The following LSAMP variants were observed in gnomAD, a reference collection of about 807,000 sequenced individuals.
The protein encoded by LSAMP is limbic system-associated membrane protein.
A neutral mutation model predicts 38.6 loss-of-function variants in LSAMP; 7 were observed. The ratio of observed to expected loss-of-function variants is 0.18; its 90% CI spans 0.10 to 0.34. The LOEUF is 0.34. Among genes scored for constraint, LSAMP ranks in the 10% least tolerant of loss-of-function variants. LSAMP has a pLI of 1.00. For missense variants in LSAMP, 313 were observed against 420.0 expected (o/e 0.75, Z 2.23); for synonymous variants, 154 against 166.8 (o/e 0.92, Z 0.59).
At chr3:116,224,806 G>C (rs184348469) in intron 1 of LSAMP, among the ~76,000 whole-genome samples, 1 of 152,300 alleles carries the variant, frequency 6.6e-6, no homozygotes, top group East Asian at 1.9e-4. Flanking sequence ...ATGTTACTCT[G>C]TGATAGTGCT....
chr3:116,223,339 C>T lies in LSAMP; in HGVS notation c.156-136783G>A, dbSNP rs376033325. The stretch of plus-strand genomic sequence containing the variant: ...TTCCTTATCAAATATTTATTGAGCA[C>T]TTACACTATACCAGGAACTGTTTTA... On this transcript the variant is annotated intron_variant, in intron 1 of 6. Coordinates refer to ENST00000490035, the MANE Select transcript of LSAMP (RefSeq NM_002338.5). Among the ~76,000 whole-genome samples the T allele has an allele frequency of 7.2e-5, 11 of 152,248 alleles. No homozygotes were observed. The East Asian group carries it at 1.9e-3, about 27-fold the overall frequency.
intron 1 of LSAMP, among the ~76,000 whole-genome samples, chr3:116,301,079 A>AAAAT (rs1349682703): frequency 6.6e-6 from 1 of 151,658 alleles, no homozygotes; most frequent in Non-Finnish European, 1.5e-5. Flanking sequence ...TTTGGGAATT[A>AAAAT]AAATAACATC....
chr3:116,422,504 G>A (rs1005890294), intron 1 of LSAMP, among the ~76,000 whole-genome samples: 8 of 152,228 alleles, frequency 5.3e-5, no homozygotes, highest in Non-Finnish European at 8.8e-5. Context: ...ATCAAAGGAC[G>A]TTCTGGAACC....
At chr3:115,955,271 C>G (rs1347060489) in intron 3 of LSAMP, among the ~76,000 whole-genome samples, 1 of 152,120 alleles carries the variant, frequency 6.6e-6, no homozygotes, top group Non-Finnish European at 1.5e-5. Flanking sequence ...GTTGGTAAAC[C>G]TAAACCTCAT....
chr3:116,104,940 G>T (rs1217314673), intron 1 of LSAMP, among the ~76,000 whole-genome samples: 1 of 152,140 alleles, frequency 6.6e-6, no homozygotes, highest in Non-Finnish European at 1.5e-5. Context: ...AAAACATACA[G>T]CCATGGCAGG....
At chr3:115,827,894 A>T (rs925946843) in intron 6 of LSAMP, among the ~76,000 whole-genome samples, 2 of 152,282 alleles carry the variant, frequency 1.3e-5, no homozygotes, top group Non-Finnish European at 2.9e-5. Flanking sequence ...GTAAGGTGGG[A>T]TCTCTCATAC....
intron 1 of LSAMP, among the ~76,000 whole-genome samples, chr3:116,272,309 C>A (rs1486387045): frequency 6.6e-6 from 1 of 152,084 alleles, no homozygotes; most frequent in Non-Finnish European, 1.5e-5. Context: ...GCAAAAATAA[C>A]AATGGACAAC....
At chr3:115,951,840 A>G (rs1938300484) in intron 3 of LSAMP, among the ~76,000 whole-genome samples, 1 of 149,966 alleles carries the variant, frequency 6.7e-6, no homozygotes, top group South Asian at 2.1e-4. Context: ...ACTCCTTAAT[A>G]AAGTCATATA....
At chr3:116,141,005 C>T (rs1371439494) in intron 1 of LSAMP, among the ~76,000 whole-genome samples, 2 of 151,786 alleles carry the variant, frequency 1.3e-5, no homozygotes, top group Non-Finnish European at 2.9e-5. Flanking sequence ...AAATAATACC[C>T]ACCAGAGCTA....
At chr3:116,271,155 CA>C (rs536093799) in intron 1 of LSAMP, among the ~76,000 whole-genome samples, 24 of 152,006 alleles carry the variant, frequency 1.6e-4, no homozygotes, top group Non-Finnish European at 2.2e-4. Context: ...CAATAAAAAA[CA>C]GAATTCAGCT....
intron 3 of LSAMP, among the ~76,000 whole-genome samples, chr3:115,880,529 C>A (rs1372750094): frequency 6.6e-6 from 1 of 151,912 alleles, no homozygotes; most frequent in Non-Finnish European, 1.5e-5. Flanking sequence ...CTTTAATATC[C>A]CAGGGTCTCT....
chr3:115,885,065 A>C (rs1264003626), intron 3 of LSAMP, among the ~76,000 whole-genome samples: 2 of 152,094 alleles, frequency 1.3e-5, no homozygotes, highest in East Asian at 3.9e-4. Flanking sequence ...AAAAACATTT[A>C]GGGAACTTAC....
rs149748301 is a variant in LSAMP, at chr3:116,116,018, AT to A, written c.156-29463del. 2.6e-3 allele frequency among the ~76,000 whole-genome samples: 343 copies of A among 130,522 alleles called. 3 individuals carry two copies. Among genetic ancestry groups the A allele is most frequent in the South Asian group, 0.015 (59 of 3,976 alleles). The allele number at this position is 130,522 out of a possible 152,430, so 85.6% of individuals were successfully genotyped here. On this transcript the variant is annotated intron_variant, in intron 1 of 6. Transcript: ENST00000490035. ...ACTATTACATTGTTAATTTCCTCTCATTTTTTTTTTCTTTTTTTTTCTTCTG... is the reference window on the plus strand; with the variant it reads ...ACTATTACATTGTTAATTTCCTCTCATTTTTTTTTCTTTTTTTTTCTTCTG...
intron 3 of LSAMP, among the ~76,000 whole-genome samples, chr3:115,868,461 T>C (rs1935923219): frequency 1.3e-5 from 2 of 152,064 alleles, no homozygotes; most frequent in Admixed American, 1.3e-4. Context: ...ATGAGAAGTA[T>C]TTGGAAGAAA....
At position 115,804,544 on chromosome 3, in the gene LSAMP, A is replaced by G. The variant is rs1933587107; in HGVS notation, c.*5773T>C. 1 of 152,150 alleles carries G rather than the reference A, an allele frequency of 6.6e-6. No individual in the cohort carries two copies. The highest frequency in any genetic ancestry group is 6.6e-5 in the Admixed American group (1 of 15,266). The allele number at this position is 152,150 out of a possible 1,614,324, so 9.4% of individuals were successfully genotyped here. A position where few individuals can be genotyped will look rare whatever the true frequency, so the allele number is the denominator to read the frequency against. On this transcript the variant is annotated 3_prime_UTR_variant, in exon 7 of 7. Coordinates refer to ENST00000490035, the MANE Select transcript of LSAMP (RefSeq NM_002338.5). ...GTACCAAGAAGACACTTGGGGGTTG[A>G]TACAACAGGCACATGAGCCCTTAAA...
intron 3 of LSAMP, among the ~76,000 whole-genome samples, chr3:115,969,221 G>A (rs533405955): frequency 5.9e-5 from 9 of 152,272 alleles, no homozygotes; most frequent in East Asian, 3.9e-4. Context: ...ACATTTCTGC[G>A]GAGAGGACGA....
intron 3 of LSAMP, among the ~76,000 whole-genome samples, chr3:115,923,986 T>A (rs1937442156): frequency 6.6e-6 from 1 of 152,208 alleles, no homozygotes; most frequent in South Asian, 2.1e-4. Context: ...TTTTTTTTCT[T>A]TTCGTCCAGT....
chr3:116,297,426 T>C (rs1462398934), intron 1 of LSAMP, among the ~76,000 whole-genome samples: 2 of 152,180 alleles, frequency 1.3e-5, no homozygotes, highest in Non-Finnish European at 2.9e-5. Flanking sequence ...GAAAATACTG[T>C]ATGATTATTT....
intron 1 of LSAMP, among the ~76,000 whole-genome samples, chr3:116,182,972 G>A (rs754421428): frequency 6.6e-6 from 1 of 151,828 alleles, no homozygotes; most frequent in Non-Finnish European, 1.5e-5. Flanking sequence ...AGGTCTAATT[G>A]CTGGTCTCTG....
Sources: allele counts gnomAD v4.1 joint callset (sites outside exome capture counted in the v4.1 genomes callset), GRCh38; gene constraint gnomAD v4.1.1; transcripts MANE v1.5; gene names NCBI Gene and HGNC (gene_info 2026-07-23, HGNC 2026-07-21).